TF: variants seen among roughly 807,000 people sequenced by gnomAD.
The protein encoded by TF is transferrin, also known as serotransferrin.
A neutral mutation model predicts 82.4 loss-of-function variants in TF; 55 were observed. That is an observed-to-expected ratio of 0.67 (90% CI 0.54 to 0.84). The LOEUF (loss-of-function observed/expected upper bound fraction) is 0.84. Among genes scored for constraint, TF ranks in the 40% least tolerant of loss-of-function variants. The probability of loss-of-function intolerance (pLI) is 0.00; values close to 1 mark genes in which losing one functional copy is unlikely to be tolerated. For missense variants in TF, 737 were observed against 868.4 expected, an observed-to-expected ratio of 0.85 and a Z score of 1.90; for synonymous variants, 332 against 332.6, an observed-to-expected ratio of 1.00 and a Z score of 0.02.
chr3:133,713,350 A>G, the TF span, among the ~76,000 whole-genome samples: 1 of 152,212 alleles, frequency 6.6e-6, no homozygotes, highest in African/African-American at 2.4e-5. Context: ...TAAGGCCAAG[A>G]TAGTTTTCCC....
chr3:133,743,695 A>G (rs763098952), upstream of TF, among the ~76,000 whole-genome samples: 12 of 152,200 alleles, frequency 7.9e-5, no homozygotes, highest in Non-Finnish European at 1.2e-4. Context: ...CTCAGCCATC[A>G]TTAAGCTATT....
rs1214560251 is a variant in TF, at chr3:133,788,641, C to T, written c.*10021C>T. 1 of 151,108 alleles carries T rather than the reference C, an allele frequency of 6.6e-6. No individual in the cohort carries two copies. The highest frequency in any genetic ancestry group is 2.4e-5 in the African/African-American group (1 of 41,306). 9.4% of individuals were successfully genotyped at this position (151,108 alleles called of 1,614,324 possible). A position where few individuals can be genotyped will look rare whatever the true frequency, so the allele number is the denominator to read the frequency against. ...CCACTCCATACAGGGGAATCTCTCCCTCTGTCTCTTTTTCCTTTCCAACTC... is the reference window on the plus strand; with the variant it reads ...CCACTCCATACAGGGGAATCTCTCCTTCTGTCTCTTTTTCCTTTCCAACTC... On this transcript the variant is annotated 3_prime_UTR_variant, in exon 17 of 17. Transcript: ENST00000402696.
chr3:133,666,542 A>T, the TF span, among the ~76,000 whole-genome samples: 1 of 152,184 alleles, frequency 6.6e-6, no homozygotes, highest in Non-Finnish European at 1.5e-5. Context: ...TTAGCAAAAC[A>T]TTTGTTTAAA....
At position 133,793,008 on chromosome 3, in the gene TF, G is replaced by A. The variant is rs1314364431; in HGVS notation, c.*14388G>A. The A allele has an allele frequency of 1.3e-5, 2 of 152,186 alleles. No individual in the cohort carries two copies. The highest frequency in any genetic ancestry group is 3.8e-4 in the East Asian group (2 of 5,200). The allele number at this position is 152,186 out of a possible 1,614,324, so 9.4% of individuals were successfully genotyped here. On this transcript the variant is annotated 3_prime_UTR_variant, in exon 17 of 17. Coordinates refer to ENST00000402696, the MANE Select transcript of TF (RefSeq NM_001063.4). ...CTTATGGTCAAACGGATTAAGATTG[G>A]AAAGATATGTCTACAAGGTTTTCTT...
intron 5 of TF, 54 bp downstream of exon 5, chr3:133,755,549 G>T (rs777894116): frequency 6.2e-7 from 1 of 1,610,922 alleles, no homozygotes; most frequent in Admixed American, 1.7e-5. Context: ...TGTCCTCAGG[G>T]TGAGAGTTCT....
the TF span, among the ~76,000 whole-genome samples, chr3:133,686,976 A>C: frequency 7.2e-5 from 11 of 152,252 alleles, no homozygotes; most frequent in Non-Finnish European, 2.9e-5. Flanking sequence ...CTGGATTAAG[A>C]AAATGTGGCA....
chr3:133,700,994 T>C, the TF span: 1 of 152,606 alleles, frequency 6.6e-6, no homozygotes, highest in African/African-American at 2.4e-5. Context: ...CCACCTAAGA[T>C]AGATGCCAAG....
chr3:133,670,365 T>C, the TF span, among the ~76,000 whole-genome samples: 1 of 152,260 alleles, frequency 6.6e-6, no homozygotes, highest in South Asian at 2.1e-4. Flanking sequence ...GTTTTAAAAC[T>C]GTTTTCCACC....
chr3:133,697,530 A>C, the TF span, among the ~76,000 whole-genome samples: 1 of 152,186 alleles, frequency 6.6e-6, no homozygotes, highest in Non-Finnish European at 1.5e-5. Flanking sequence ...ATCTTGATTT[A>C]CCTTTGCCCA....
chr3:133,690,073 C>T, the TF span, among the ~76,000 whole-genome samples: 1 of 151,768 alleles, frequency 6.6e-6, no homozygotes, highest in African/African-American at 2.4e-5. Context: ...AAATAAATTC[C>T]CAGCTTGACT....
At position 133,787,973 on chromosome 3, in the gene TF, T is replaced by A. The variant is rs554652640; in HGVS notation, c.*9353T>A. 6.6e-6 allele frequency: 1 copy of A among 152,122 alleles called. No individual in the cohort carries two copies. The highest frequency in any genetic ancestry group is 1.5e-5 in the Non-Finnish European group (1 of 68,002). The allele number at this position is 152,122 out of a possible 1,614,324, so 9.4% of individuals were successfully genotyped here. A position where few individuals can be genotyped will look rare whatever the true frequency, so the allele number is the denominator to read the frequency against. ...CAACCCTAAGTGACACATGGGCCCA[T>A]ATCCACCAGGTTGGTGGTGCAGAGG... On this transcript the variant is annotated 3_prime_UTR_variant, in exon 17 of 17. Transcript: ENST00000402696.
At position 133,795,573 on chromosome 3, in the gene TF, T is replaced by A. The variant is rs1934946015; in HGVS notation, c.*16953T>A. ...AGAACCTGACCAAAAAAGTGGAATT[T>A]TTTTTTTTTTTTTTTTTTTTGAGAT... On this transcript the variant is annotated 3_prime_UTR_variant, in exon 17 of 17. Transcript: ENST00000402696. 1 of 139,840 alleles carries A rather than the reference T, an allele frequency of 7.2e-6. No homozygotes were observed. The highest frequency in any genetic ancestry group is 1.5e-5 in the Non-Finnish European group (1 of 64,606). 8.7% of individuals were successfully genotyped at this position (139,840 alleles called of 1,614,324 possible).
At chr3:133,690,073 C>G in the TF span, among the ~76,000 whole-genome samples, 1 of 151,768 alleles carries the variant, frequency 6.6e-6, no homozygotes, top group Non-Finnish European at 1.5e-5. Context: ...AAATAAATTC[C>G]CAGCTTGACT....
the TF span, among the ~76,000 whole-genome samples, chr3:133,672,286 T>C: frequency 1.4e-4 from 22 of 152,052 alleles, no homozygotes; most frequent in Non-Finnish European, 3.2e-4. Flanking sequence ...TCCGAACATT[T>C]AAGAAAGAAA....
rs59954827 is a variant in TF at position 133,786,222 on chromosome 3, T to TTAAAAAAAAAA, written c.*7602_*7603insTAAAAAAAAAA. 1 of 84,350 alleles carries TTAAAAAAAAAA rather than the reference T, an allele frequency of 1.2e-5. No individual in the cohort carries two copies. The highest frequency in any genetic ancestry group is 3.9e-5 in the African/African-American group (1 of 25,396). 5.2% of individuals were successfully genotyped at this position (84,350 alleles called of 1,614,324 possible). A position where few individuals can be genotyped will look rare whatever the true frequency, so the allele number is the denominator to read the frequency against. On this transcript the variant is annotated 3_prime_UTR_variant, in exon 17 of 17. Transcript: ENST00000402696. ...AAGAATTATCAATAAAAAAATAAAT[T>TTAAAAAAAAAA]AAAAAAAAAAAAAAAAAACAATACT...
At chr3:133,695,742 T>G in the TF span, among the ~76,000 whole-genome samples, 1 of 152,074 alleles carries the variant, frequency 6.6e-6, no homozygotes. Context: ...CCAACCAAGG[T>G]GCAAAAATAT....
chr3:133,731,074 C>G, the TF span, among the ~76,000 whole-genome samples: 2 of 152,302 alleles, frequency 1.3e-5, no homozygotes, highest in Admixed American at 1.3e-4. Context: ...TTACTTTGGA[C>G]AGCTGAGAAA....
chr3:133,730,176 A>G, the TF span, among the ~76,000 whole-genome samples: 6 of 152,176 alleles, frequency 3.9e-5, no homozygotes, highest in Non-Finnish European at 8.8e-5. Context: ...AGCAGAAGGC[A>G]GATCTTCTCT....
In TF at chr3:133,775,420, T is replaced by G; in HGVS notation, c.1688-13T>G. On this transcript the variant is annotated splice_polypyrimidine_tract_variant and intron_variant, in intron 14 of 16. Transcript: ENST00000402696. ...CAAAGCCATCAGCTGAACCACCTTC[T>G]TCCTGTCCCTAGGAAAAAACCCTGA... 1 of 1,614,196 alleles carries G rather than the reference T, an allele frequency of 6.2e-7. No individual in the cohort carries two copies. The highest frequency in any genetic ancestry group is 1.1e-5 in the South Asian group (1 of 91,086).
Sources: gnomAD v4.1 joint callset for allele counts (sites outside exome capture counted in the v4.1 genomes callset) on GRCh38, gnomAD v4.1.1 for gene constraint, MANE v1.5 for transcripts, NCBI Gene and HGNC (gene_info 2026-07-23, HGNC 2026-07-21) for gene names.